Variants in BACH2 observed in about 807,000 individuals in gnomAD.
BACH2 encodes BACH transcriptional regulator 2.
A neutral mutation model predicts 61.8 loss-of-function variants in BACH2; 5 were observed. That is an observed-to-expected ratio of 0.08 (90% CI 0.04 to 0.17). The LOEUF (loss-of-function observed/expected upper bound fraction) is 0.17. BACH2 is among the 10% of genes least tolerant of loss of function. The pLI is 1.00. For missense variants in BACH2, 824 were observed against 1,091.1 expected, an observed-to-expected ratio of 0.76 and a Z score of 3.45; for synonymous variants, 446 against 440.1, an observed-to-expected ratio of 1.01 and a Z score of -0.17.
intron 5 of BACH2, among the ~76,000 whole-genome samples, chr6:90,032,899 C>G (rs1173978200): frequency 6.6e-6 from 1 of 152,152 alleles, no homozygotes; most frequent in African/African-American, 2.4e-5. Context: ...TATTAAGACA[C>G]ATGCACATGT....
At chr6:90,220,719 C>T (rs1014202200) in intron 3 of BACH2, among the ~76,000 whole-genome samples, 1 of 152,174 alleles carries the variant, frequency 6.6e-6, no homozygotes, top group African/African-American at 2.4e-5. Context: ...CTATTAAATG[C>T]TGTTTGAGGT....
At chr6:90,054,263 C>T (rs1780204752) in intron 5 of BACH2, among the ~76,000 whole-genome samples, 1 of 152,218 alleles carries the variant, frequency 6.6e-6, no homozygotes, top group Non-Finnish European at 1.5e-5. Context: ...AGGTCACTTC[C>T]ACCCTAATAC....
intron 5 of BACH2, among the ~76,000 whole-genome samples, chr6:90,024,084 G>A (rs1257823716): frequency 3.3e-5 from 5 of 152,056 alleles, no homozygotes; most frequent in African/African-American, 1.2e-4. Flanking sequence ...ATGAGTGACA[G>A]GTAAACATAT....
intron 4 of BACH2, among the ~76,000 whole-genome samples, chr6:90,103,030 T>TATATATATA (rs371402979): frequency 3.2e-3 from 66 of 20,366 alleles, no homozygotes; most frequent in African/African-American, 0.012. Context: ...TATATATATA[T>TATATATATA]TTTTTTTTTT....
chr6:90,224,871 T>C (rs1769858863), intron 3 of BACH2, among the ~76,000 whole-genome samples: 1 of 152,172 alleles, frequency 6.6e-6, no homozygotes, highest in African/African-American at 2.4e-5. Flanking sequence ...TTCCTCATTA[T>C]CCTAAGAGCA....
At chr6:90,207,555 T>C (rs1769192391) in intron 3 of BACH2, among the ~76,000 whole-genome samples, 1 of 152,248 alleles carries the variant, frequency 6.6e-6, no homozygotes, top group Admixed American at 6.5e-5. Context: ...AGGTTCCTGA[T>C]ACTCAATTTG....
At chr6:90,033,828 G>C (rs1779131725) in intron 5 of BACH2, among the ~76,000 whole-genome samples, 1 of 152,096 alleles carries the variant, frequency 6.6e-6, no homozygotes. Flanking sequence ...CTTTTCAATA[G>C]AACTCAAGCT....
At chr6:90,240,524 C>G (rs370242123) in intron 3 of BACH2, among the ~76,000 whole-genome samples, 1 of 152,024 alleles carries the variant, frequency 6.6e-6, no homozygotes, top group African/African-American at 2.4e-5. Flanking sequence ...ACAAGCATAA[C>G]GAAAAATAAT....
At chr6:90,022,852 T>A (rs973646871) in intron 5 of BACH2, among the ~76,000 whole-genome samples, 1 of 152,206 alleles carries the variant, frequency 6.6e-6, no homozygotes, top group Non-Finnish European at 1.5e-5. Flanking sequence ...TATGACCGAA[T>A]AATTCCATGC....
intron 3 of BACH2, among the ~76,000 whole-genome samples, chr6:90,238,859 G>T (rs544173365): frequency 6.6e-6 from 1 of 152,148 alleles, no homozygotes; most frequent in African/African-American, 2.4e-5. Context: ...ATACTGCCTT[G>T]TGTGGAGCTC....
intron 6 of BACH2, among the ~76,000 whole-genome samples, chr6:89,965,821 C>G (rs936862694): frequency 6.6e-6 from 1 of 152,194 alleles, no homozygotes; most frequent in South Asian, 2.1e-4. Flanking sequence ...TAGCTTGACA[C>G]ACCACTAATC....
At chr6:90,133,273 A>C (rs1319395403) in intron 4 of BACH2, among the ~76,000 whole-genome samples, 1 of 152,218 alleles carries the variant, frequency 6.6e-6, no homozygotes, top group Non-Finnish European at 1.5e-5. Context: ...CCAGGAAGGA[A>C]ATTGAAGTGA....
intron 4 of BACH2, among the ~76,000 whole-genome samples, chr6:90,167,894 T>C (rs558355900): frequency 2.0e-5 from 3 of 152,330 alleles, no homozygotes; most frequent in African/African-American, 7.2e-5. Flanking sequence ...GTAACCTCTT[T>C]GAAAAGACAA....
At chr6:90,255,927 CTA>C (rs1452607675) in intron 2 of BACH2, among the ~76,000 whole-genome samples, 1 of 152,210 alleles carries the variant, frequency 6.6e-6, no homozygotes, top group Non-Finnish European at 1.5e-5. Context: ...TATGTTGTGA[CTA>C]TGCCCTTCTC....
At chr6:90,038,181 A>G (rs2127790149) in intron 5 of BACH2, among the ~76,000 whole-genome samples, 1 of 152,354 alleles carries the variant, frequency 6.6e-6, no homozygotes, top group Non-Finnish European at 1.5e-5. Flanking sequence ...TGTTTTAAAC[A>G]AAAGTGTAAT....
chr6:90,227,476 T>A (rs906121662), intron 3 of BACH2, among the ~76,000 whole-genome samples: 2 of 152,176 alleles, frequency 1.3e-5, no homozygotes, highest in Non-Finnish European at 1.5e-5. Context: ...GTGGAACCAC[T>A]TGCTCACATG....
At chr6:89,952,063 T>C (rs903889436) in intron 6 of BACH2, 3 of 626,096 alleles carry the variant, frequency 4.8e-6, no homozygotes, top group African/African-American at 3.7e-5. Context: ...ACTGTTGTAC[T>C]CCATCACAGC....
In BACH2 at chr6:89,951,929, T is replaced by C; in HGVS notation, c.244-67A>G. ...CTGCTATTGTCCCGAATCCCTCAAC[T>C]GAAGCAAGATAACCAGACAGTGCTA... On this transcript the variant is annotated intron_variant, in intron 6 of 8. Coordinates refer to ENST00000257749, the MANE Select transcript of BACH2 (RefSeq NM_021813.4). The surrounding 1 kb of genome is among the most constrained non-coding windows in gnomAD (Gnocchi z 6.4). 1.9e-6 allele frequency: 3 copies of C among 1,541,350 alleles called. No homozygotes were observed. Among genetic ancestry groups the C allele is most frequent in the Non-Finnish European group, 2.6e-6 (3 of 1,133,344 alleles).
At chr6:90,218,834 G>C (rs1480209319) in intron 3 of BACH2, among the ~76,000 whole-genome samples, 1 of 152,154 alleles carries the variant, frequency 6.6e-6, no homozygotes, top group Non-Finnish European at 1.5e-5. Flanking sequence ...CTCTGAGTCA[G>C]TGATGTGGCT....
Sources: gnomAD v4.1 joint callset for allele counts (sites outside exome capture counted in the v4.1 genomes callset) on GRCh38, gnomAD v4.1.1 for gene constraint, Gnocchi (gnomAD v3.1) non-coding constraint, MANE v1.5 for transcripts, NCBI Gene and HGNC (gene_info 2026-07-23, HGNC 2026-07-21) for gene names.